ATP2B1: variants seen among roughly 807,000 people sequenced by gnomAD.
The protein encoded by ATP2B1 is plasma membrane calcium-transporting ATPase 1.
In ATP2B1, 14 loss-of-function variants were observed where a neutral mutation model predicts 124.2. That is an observed-to-expected ratio of 0.11 (90% CI 0.07 to 0.18). ATP2B1 has a LOEUF of 0.18. Ranked by LOEUF, ATP2B1 falls within the 10% of genes least tolerant of loss-of-function variation. The pLI is 1.00. For missense variants in ATP2B1, 763 were observed against 1,466.1 expected (o/e 0.52, Z 7.83); for synonymous variants, 449 against 492.4 (o/e 0.91, Z 1.17).
At chr12:89,596,324 T>A (rs1874607396) in intron 20 of ATP2B1, among the ~76,000 whole-genome samples, 1 of 152,260 alleles carries the variant, frequency 6.6e-6, no homozygotes, top group South Asian at 2.1e-4. Context: ...GAACCCTTCA[T>A]AAGACAATTC....
intron 19 of ATP2B1, among the ~76,000 whole-genome samples, chr12:89,600,715 C>T (rs1277067975): frequency 1.3e-5 from 2 of 149,272 alleles, no homozygotes; most frequent in African/African-American, 5.0e-5. Flanking sequence ...ATGGCGCGAT[C>T]TTGGCTCACT....
intron 6 of ATP2B1, among the ~76,000 whole-genome samples, chr12:89,629,824 G>A (rs779744592): frequency 6.6e-6 from 1 of 152,194 alleles, no homozygotes; most frequent in African/African-American, 2.4e-5. Context: ...TGGTATAGCA[G>A]ACACTTAGAA....
intron 15 of ATP2B1, among the ~76,000 whole-genome samples, chr12:89,605,845 T>C (rs1228026615): frequency 6.6e-6 from 1 of 152,198 alleles, no homozygotes; most frequent in Non-Finnish European, 1.5e-5. Context: ...TGTTGAAAGA[T>C]GCTGAGAGAC....
At chr12:89,673,496 C>G (rs1888240265) in intron 1 of ATP2B1, among the ~76,000 whole-genome samples, 1 of 152,186 alleles carries the variant, frequency 6.6e-6, no homozygotes, top group South Asian at 2.1e-4. Flanking sequence ...TCTATTCCCT[C>G]TAAACCACAA....
chr12:89,673,904 T>C lies in ATP2B1; in HGVS notation c.-221-17797A>G, dbSNP rs187534464. 2.6e-4 allele frequency among the ~76,000 whole-genome samples: 40 copies of C among 152,348 alleles called. 2 individuals carry two copies. The East Asian group carries it at 6.7e-3, about 26-fold the overall frequency. On this transcript the variant is annotated intron_variant, in intron 1 of 20. Coordinates refer to ENST00000428670, the MANE Select transcript of ATP2B1 (RefSeq NM_001366521.1). The stretch of plus-strand genomic sequence containing the variant: ...AGGAGATAAACAACAAGTAACAGTT[T>C]ACAGCTAGTTTCTTATTCGAGCATT...
intron 1 of ATP2B1, among the ~76,000 whole-genome samples, chr12:89,656,501 G>A (rs995602673): frequency 5.9e-5 from 9 of 152,158 alleles, no homozygotes; most frequent in African/African-American, 2.2e-4. Flanking sequence ...CTTCAAGAAA[G>A]TGAGTTTTCT....
At position 89,590,652 on chromosome 12, in the gene ATP2B1, C is replaced by T. The variant is rs1873386324; in HGVS notation, c.*332G>A. Reference sequence around the variant, plus strand: ...TTGTCTTGCCCAGTTTTACTCCTCCCTCTCTCTCCCATCCAGGACTGAGAT... The same window carrying T: ...TTGTCTTGCCCAGTTTTACTCCTCCTTCTCTCTCCCATCCAGGACTGAGAT... On this transcript the variant is annotated 3_prime_UTR_variant, in exon 21 of 21. Coordinates refer to ENST00000428670, the MANE Select transcript of ATP2B1 (RefSeq NM_001366521.1). 1.1e-5 allele frequency: 2 copies of T among 183,628 alleles called. No homozygotes were observed. Among genetic ancestry groups the T allele is most frequent in the South Asian group, 2.9e-4 (2 of 6,970 alleles). 11.4% of individuals were successfully genotyped at this position (183,628 alleles called of 1,614,324 possible). A position where few individuals can be genotyped will look rare whatever the true frequency, so the allele number is the denominator to read the frequency against.
intron 8 of ATP2B1, among the ~76,000 whole-genome samples, chr12:89,625,929 G>A (rs1880806909): frequency 6.6e-6 from 1 of 152,162 alleles, no homozygotes; most frequent in Admixed American, 6.5e-5. Context: ...ACCGCTGGAG[G>A]TCATGCTGTT....
Position 89,681,381 on chromosome 12 carries a change from A to ATT in ATP2B1, c.-221-25275_-221-25274insAA, listed in dbSNP as rs201477706. 5.9e-3 allele frequency among the ~76,000 whole-genome samples: 845 copies of ATT among 142,048 alleles called. 36 individuals are homozygous for ATT. The highest frequency in any genetic ancestry group is 0.028 in the East Asian group (134 of 4,802). The allele number at this position is 142,048 out of a possible 152,430, so 93.2% of individuals were successfully genotyped here. ...AATGTTGCAAAGAAAAATCCCTATAAATTTTTTTTTTTTTTTTGAGACACA... is the reference window on the plus strand; with the variant it reads ...AATGTTGCAAAGAAAAATCCCTATAATTATTTTTTTTTTTTTTTTGAGACACA... On this transcript the variant is annotated intron_variant, in intron 1 of 20. Coordinates refer to ENST00000428670, the MANE Select transcript of ATP2B1 (RefSeq NM_001366521.1).
At position 89,634,797 on chromosome 12, in the gene ATP2B1, C is replaced by T; in HGVS notation, c.768G>A (p.Lys256=). Residue 256 remains lysine, a synonymous_variant, in exon 5 of 21, where the codon AAG becomes AAA. Coordinates refer to ENST00000428670, the MANE Select transcript of ATP2B1 (RefSeq NM_001366521.1). ...ESDHVKKSLD[K]DPLLLSGTHV... ...TTTTACCTGATAGAAGTAAGGGATC[C>T]TTATCTAAAGACTTTTTAACATGAT... 6.3e-7 allele frequency: 1 copy of T among 1,598,904 alleles called. No individual in the cohort carries two copies. Among genetic ancestry groups the T allele is most frequent in the South Asian group, 1.1e-5 (1 of 87,764 alleles).
rs2135819108 is a variant in ATP2B1 at position 89,588,643 on chromosome 12, C to G, written c.*2341G>C. ...AGAGAGAAATACACACTAAGCATGT[C>G]TTGCTACTACTTCATAGATGTCATA... On this transcript the variant is annotated 3_prime_UTR_variant, in exon 21 of 21. Transcript: ENST00000428670. 6.6e-6 allele frequency: 1 copy of G among 152,634 alleles called. No homozygotes were observed. Among genetic ancestry groups the G allele is most frequent in the Non-Finnish European group, 1.5e-5 (1 of 67,984 alleles). The allele number at this position is 152,634 out of a possible 1,614,324, so 9.5% of individuals were successfully genotyped here.
At chr12:89,655,241 T>C (rs1885813973) in intron 2 of ATP2B1, among the ~76,000 whole-genome samples, 1 of 152,214 alleles carries the variant, frequency 6.6e-6, no homozygotes, top group African/African-American at 2.4e-5. Context: ...TATTAAAGGT[T>C]AGGTTAAGCC....
chr12:89,645,606 T>TGAGAAGGGTGAGAAGGGTGAGAAGGG (rs1884324319), intron 2 of ATP2B1, among the ~76,000 whole-genome samples: 1 of 152,192 alleles, frequency 6.6e-6, no homozygotes, highest in African/African-American at 2.4e-5. Context: ...GTGAGAAGAC[T>TGAGAAGGGTGAGAAGGGTGAGAAGGG]TTCGAGCAGA....
At chr12:89,631,898 T>G (rs1881927686) in intron 5 of ATP2B1, among the ~76,000 whole-genome samples, 1 of 152,006 alleles carries the variant, frequency 6.6e-6, no homozygotes, top group Non-Finnish European at 1.5e-5. Flanking sequence ...CCCAAAGTGC[T>G]GGAATTACAG....
At chr12:89,654,744 A>T (rs1885749067) in intron 2 of ATP2B1, among the ~76,000 whole-genome samples, 1 of 152,134 alleles carries the variant, frequency 6.6e-6, no homozygotes, top group South Asian at 2.1e-4. Flanking sequence ...CATGGCATAA[A>T]ATGTTTCAGG....
intron 3 of ATP2B1, among the ~76,000 whole-genome samples, chr12:89,638,178 G>A (rs1170514288): frequency 2.0e-5 from 3 of 152,128 alleles, no homozygotes; most frequent in Admixed American, 6.5e-5. Flanking sequence ...TTTTAACAAT[G>A]TTTTCAGTAA....
intron 20 of ATP2B1, among the ~76,000 whole-genome samples, chr12:89,596,090 T>C (rs1050571414): frequency 1.3e-5 from 2 of 152,106 alleles, no homozygotes; most frequent in African/African-American, 4.8e-5. Flanking sequence ...AAGTTTATGA[T>C]TGCTTTGATA....
intron 1 of ATP2B1, among the ~76,000 whole-genome samples, chr12:89,683,666 C>T (rs1313257011): frequency 1.7e-4 from 26 of 152,128 alleles, no homozygotes; most frequent in Admixed American, 1.7e-3. Flanking sequence ...AACAAGTCAC[C>T]CCGATGTCCC....
At chr12:89,614,174 T>C (rs551357882) in intron 12 of ATP2B1, among the ~76,000 whole-genome samples, 12 of 152,210 alleles carry the variant, frequency 7.9e-5, no homozygotes, top group Middle Eastern at 6.8e-3. Context: ...GTATAGAACT[T>C]TGAAAAGCCA....
Sources: gnomAD v4.1 joint callset for allele counts (sites outside exome capture counted in the v4.1 genomes callset) on GRCh38, gnomAD v4.1.1 for gene constraint, MANE v1.5 for transcripts, NCBI Gene and HGNC (gene_info 2026-07-23, HGNC 2026-07-21) for gene names.